Variants in FOCAD observed in about 807,000 individuals in gnomAD.
FOCAD encodes KIAA1797.
FOCAD carries 198 observed loss-of-function variants against 225.6 expected under a neutral mutation model. The observed-to-expected ratio is 0.88, with a 90% CI of 0.78 to 0.99. The LOEUF (loss-of-function observed/expected upper bound fraction) is 0.99. FOCAD is among the 50% of genes least tolerant of loss of function. The probability of loss-of-function intolerance (pLI) is 0.00; values close to 1 mark genes in which losing one functional copy is unlikely to be tolerated. For missense variants in FOCAD, 2,713 were observed against 2,123.6 expected (o/e 1.28, Z -5.46); for synonymous variants, 897 against 755.0 (o/e 1.19, Z -3.08).
rs1042974358 is a variant in FOCAD, at chr9:20,966,157, A to G, written c.4133-10263A>G. Among the ~76,000 whole-genome samples, 4 of 152,240 alleles carry G rather than the reference A, an allele frequency of 2.6e-5. No homozygotes were observed. In the East Asian group the frequency reaches 7.7e-4, roughly 29 times the overall value. On this transcript the variant is annotated intron_variant, in intron 35 of 43. Transcript: ENST00000338382. ...ACTGTTTTACATTCTTGCAAGCAAT[A>G]TAGGAGGGTTCCAATTTCTCCACGT...
At chr9:20,792,782 T>A (rs182946905) in intron 11 of FOCAD, among the ~76,000 whole-genome samples, 1 of 152,304 alleles carries the variant, frequency 6.6e-6, no homozygotes, top group African/African-American at 2.4e-5. Context: ...TGAAATCACT[T>A]ATGTGACTAG....
intron 35 of FOCAD, among the ~76,000 whole-genome samples, chr9:20,956,145 G>A (rs1386338397): frequency 4.6e-5 from 7 of 152,152 alleles, no homozygotes; most frequent in Non-Finnish European, 8.8e-5. Flanking sequence ...AGTACAGGTA[G>A]GCATATGCTC....
chr9:20,799,107 C>T, intron 11 of FOCAD, among the ~76,000 whole-genome samples: 1 of 152,162 alleles, frequency 6.6e-6, no homozygotes, highest in East Asian at 1.9e-4. Flanking sequence ...GTTATGTACC[C>T]AGTAGTCCTT....
Position 20,981,479 on chromosome 9 carries a change from C to T in FOCAD, c.4431C>T (p.Ile1477=). Residue 1477 remains isoleucine, a synonymous_variant, in exon 38 of 44, where the codon ATC becomes ATT. Coordinates refer to ENST00000338382, the MANE Select transcript of FOCAD (RefSeq NM_001375567.1). ...CTGCACCTCTGTGGATAAAACACATCTCTGATGAACAGATCCTGGGTTTTG... is the reference window on the plus strand; with the variant it reads ...CTGCACCTCTGTGGATAAAACACATTTCTGATGAACAGATCCTGGGTTTTG... ...LISAPLWIKH[I]SDEQILGFVE... is the part of the protein sequence containing the mutation. 6.2e-7 allele frequency: 1 copy of T among 1,614,136 alleles called. No individual in the cohort carries two copies. Among genetic ancestry groups the T allele is most frequent in the Non-Finnish European group, 8.5e-7 (1 of 1,179,980 alleles).
chr9:20,865,853 G>A (rs1025025865), intron 16 of FOCAD, 73 bp from the exon 17 acceptor site: 16 of 1,036,392 alleles, frequency 1.5e-5, no homozygotes, highest in Non-Finnish European at 1.7e-5. Context: ...TTCATTATTT[G>A]CTACTTTGGA....
chr9:20,819,190 C>G (rs946168431), intron 11 of FOCAD, among the ~76,000 whole-genome samples: 1 of 152,004 alleles, frequency 6.6e-6, no homozygotes, highest in Non-Finnish European at 1.5e-5. Context: ...TTCATTAGAA[C>G]TTTACATTTC....
chr9:20,787,198 G>T (rs1820010526), intron 10 of FOCAD: 1 of 166,934 alleles, frequency 6.0e-6, no homozygotes, highest in Admixed American at 6.2e-5. Flanking sequence ...TCTCTGTTAT[G>T]TTGTTGCTTT....
At chr9:20,899,591 G>A in intron 21 of FOCAD, among the ~76,000 whole-genome samples, 1 of 151,886 alleles carries the variant, frequency 6.6e-6, no homozygotes, top group Non-Finnish European at 1.5e-5. Context: ...TGACTTCCAA[G>A]CTCCTTACAG....
chr9:20,697,381 C>T (rs1046554798), intron 1 of FOCAD, among the ~76,000 whole-genome samples: 6 of 152,190 alleles, frequency 3.9e-5, no homozygotes, highest in Non-Finnish European at 8.8e-5. Flanking sequence ...TAGGACTTCC[C>T]ATCTCACTGA....
Position 20,823,118 on chromosome 9 carries a change from A to C in FOCAD, c.1920+3A>C. On this transcript the variant is annotated splice_donor_region_variant and intron_variant, in intron 15 of 43. Transcript: ENST00000338382. ...TTCATGCACTCTGTCAAGCTGAGGT[A>C]GGCATTTTTAAATTGCTTTGGATAA... is the stretch of plus-strand genomic sequence containing the variant. 1 of 1,603,976 alleles carries C rather than the reference A, an allele frequency of 6.2e-7. No individual in the cohort carries two copies. The highest frequency in any genetic ancestry group is 8.5e-7 in the Non-Finnish European group (1 of 1,176,194).
At chr9:20,918,407 T>C (rs888410553) in intron 24 of FOCAD, among the ~76,000 whole-genome samples, 7 of 152,232 alleles carry the variant, frequency 4.6e-5, no homozygotes, top group Admixed American at 3.3e-4. Flanking sequence ...ATTCATGTTC[T>C]CATGGTATTA....
At chr9:20,723,660 T>G (rs1825969352) in intron 4 of FOCAD, among the ~76,000 whole-genome samples, 1 of 152,228 alleles carries the variant, frequency 6.6e-6, no homozygotes, top group South Asian at 2.1e-4. Flanking sequence ...AAAATTTGTA[T>G]GTATGTGTAT....
intron 1 of FOCAD, among the ~76,000 whole-genome samples, chr9:20,699,208 C>G (rs1278891729): frequency 6.6e-6 from 1 of 152,086 alleles, no homozygotes; most frequent in Non-Finnish European, 1.5e-5. Context: ...TGGAAGTAAG[C>G]CAGATTGGGA....
chr9:20,891,336 C>G (rs983157915), intron 21 of FOCAD, among the ~76,000 whole-genome samples: 1 of 152,106 alleles, frequency 6.6e-6, no homozygotes, highest in Non-Finnish European at 1.5e-5. Context: ...CACTTGAAAC[C>G]AAAAGCTAGA....
chr9:20,716,039 G>C, intron 2 of FOCAD: 1 of 374,380 alleles, frequency 2.7e-6, no homozygotes, highest in South Asian at 2.4e-5. Context: ...CCATCTTGAA[G>C]ACTTAACAAC....
intron 15 of FOCAD, among the ~76,000 whole-genome samples, chr9:20,842,501 C>G (rs1311313348): frequency 6.6e-6 from 1 of 151,820 alleles, no homozygotes; most frequent in Non-Finnish European, 1.5e-5. Flanking sequence ...CTGACCTTAT[C>G]CTTTTTACAG....
At chr9:20,866,849 T>G in intron 17 of FOCAD, 80 bp from the exon 18 acceptor site, 13 of 828,838 alleles carry the variant, frequency 1.6e-5, no homozygotes, top group East Asian at 5.4e-5. Context: ...CCCCTCCAGA[T>G]TTGATGTTTA....
chr9:20,721,552 A>T lies in FOCAD; in HGVS notation c.287+1018A>T, dbSNP rs371871243. On this transcript the variant is annotated intron_variant, in intron 4 of 43. Coordinates refer to ENST00000338382, the MANE Select transcript of FOCAD (RefSeq NM_001375567.1). ...CTGTGTCTCTACTAAAAATACAAAAATTAGCTGGGCGTGGTGATGCGTGCC... is the reference window on the plus strand; with the variant it reads ...CTGTGTCTCTACTAAAAATACAAAATTTAGCTGGGCGTGGTGATGCGTGCC... Among the ~76,000 whole-genome samples the T allele has an allele frequency of 4.4e-4, 67 of 152,182 alleles. No homozygotes were observed. The East Asian group carries it at 0.013, about 29-fold the overall frequency.
At chr9:20,982,988 A>T (rs1314748872) in intron 39 of FOCAD, among the ~76,000 whole-genome samples, 2 of 152,204 alleles carry the variant, frequency 1.3e-5, no homozygotes, top group African/African-American at 4.8e-5. Flanking sequence ...GGTCTAGAGA[A>T]CTGTGAGCTC....
Sources: gnomAD v4.1 joint callset for allele counts (sites outside exome capture counted in the v4.1 genomes callset) on GRCh38, gnomAD v4.1.1 for gene constraint, MANE v1.5 for transcripts, NCBI Gene and HGNC (gene_info 2026-07-23, HGNC 2026-07-21) for gene names.